UBE2E3: variants seen among roughly 807,000 people sequenced by gnomAD.
UBE2E3 encodes ubiquitin-conjugating enzyme E2 E3.
A neutral mutation model predicts 23.6 loss-of-function variants in UBE2E3; 5 were observed. The ratio of observed to expected loss-of-function variants is 0.21; its 90% CI spans 0.11 to 0.44. The LOEUF is 0.44. Among genes scored for constraint, UBE2E3 ranks in the 20% least tolerant of loss-of-function variants. UBE2E3 has a pLI of 0.99. For missense variants in UBE2E3, 81 were observed against 249.8 expected, an observed-to-expected ratio of 0.32 and a Z score of 4.55; for synonymous variants, 78 against 87.5, an observed-to-expected ratio of 0.89 and a Z score of 0.60.
chr2:181,025,476 CTCTTTATTGTG>C (rs1026789535), intron 3 of UBE2E3, among the ~76,000 whole-genome samples: 15 of 122,646 alleles, frequency 1.2e-4, no homozygotes, highest in African/African-American at 4.8e-4. Flanking sequence ...CTTCCTTTTC[CTCTTTATTGTG>C]TATACAGGTA....
intron 3 of UBE2E3, among the ~76,000 whole-genome samples, chr2:181,007,640 C>CT (rs2105602324): frequency 6.6e-6 from 1 of 152,096 alleles, no homozygotes; most frequent in East Asian, 1.9e-4. Context: ...AGTTACCATC[C>CT]TGGAAGGGGC....
At chr2:180,988,019 A>G (rs1185641936) in intron 3 of UBE2E3, among the ~76,000 whole-genome samples, 1 of 152,178 alleles carries the variant, frequency 6.6e-6, no homozygotes, top group East Asian at 1.9e-4. Flanking sequence ...CTAACTTGCT[A>G]TGTTATTACC....
chr2:181,014,291 G>T (rs1279995374), intron 3 of UBE2E3, among the ~76,000 whole-genome samples: 1 of 152,136 alleles, frequency 6.6e-6, no homozygotes, highest in African/African-American at 2.4e-5. Flanking sequence ...GGGATATTCA[G>T]TGGAAATGGA....
At chr2:181,043,839 A>G (rs1233444804) in intron 3 of UBE2E3, among the ~76,000 whole-genome samples, 2 of 152,162 alleles carry the variant, frequency 1.3e-5, no homozygotes, top group Non-Finnish European at 2.9e-5. Flanking sequence ...CCATGTCATT[A>G]AACAGTCTTC....
At chr2:181,012,829 T>C (rs560799022) in intron 3 of UBE2E3, among the ~76,000 whole-genome samples, 1 of 152,236 alleles carries the variant, frequency 6.6e-6, no homozygotes, top group South Asian at 2.1e-4. Flanking sequence ...TAGGCATGAA[T>C]TTAGAGATAC....
chr2:181,058,813 G>A (rs933888698), intron 4 of UBE2E3, among the ~76,000 whole-genome samples: 1 of 151,710 alleles, frequency 6.6e-6, no homozygotes, highest in Non-Finnish European at 1.5e-5. Context: ...AAGGTAACGA[G>A]TGCCATCTAG....
chr2:180,990,094 C>T (rs1286580957), intron 3 of UBE2E3: 2 of 1,055,422 alleles, frequency 1.9e-6, no homozygotes, highest in Non-Finnish European at 2.6e-6. Flanking sequence ...GAAGCTGAAA[C>T]ATCTTCAAAC....
intron 3 of UBE2E3, among the ~76,000 whole-genome samples, chr2:180,984,417 T>G (rs768183946): frequency 1.3e-5 from 2 of 152,232 alleles, no homozygotes; most frequent in African/African-American, 2.4e-5. Context: ...AAAATTTTGC[T>G]AAGCTTTAAA....
At chr2:180,991,432 A>T (rs1395455564) in intron 3 of UBE2E3, among the ~76,000 whole-genome samples, 1 of 152,218 alleles carries the variant, frequency 6.6e-6, no homozygotes, top group Non-Finnish European at 1.5e-5. Flanking sequence ...CTTTGGAGCC[A>T]TTGTTAAGTA....
chr2:181,006,384 AT>A (rs5836758), intron 3 of UBE2E3, among the ~76,000 whole-genome samples: 116,848 of 150,856 alleles, frequency 0.77, 45,498 homozygotes, highest in East Asian at 0.88. Flanking sequence ...GTGATTTCAG[AT>A]TTTTGTTGCC....
chr2:180,994,314 C>A (rs893032931), intron 3 of UBE2E3, among the ~76,000 whole-genome samples: 1 of 152,028 alleles, frequency 6.6e-6, no homozygotes, highest in Non-Finnish European at 1.5e-5. Context: ...GTATGATGAA[C>A]CCCCATATAT....
intron 3 of UBE2E3, among the ~76,000 whole-genome samples, chr2:181,014,208 A>G (rs1488854469): frequency 6.6e-6 from 1 of 152,092 alleles, no homozygotes; most frequent in African/African-American, 2.4e-5. Flanking sequence ...TTTTGTTTTC[A>G]ATGGTTGTGG....
chr2:181,051,305 T>C (rs1272989795), intron 3 of UBE2E3, among the ~76,000 whole-genome samples: 1 of 151,820 alleles, frequency 6.6e-6, no homozygotes, highest in African/African-American at 2.4e-5. Context: ...ATTATCTATT[T>C]CCTTATTGGT....
chr2:180,984,384 A>G lies in UBE2E3; in HGVS notation c.245+291A>G, dbSNP rs557262540. Among the ~76,000 whole-genome samples, 7 of 152,322 alleles carry G rather than the reference A, an allele frequency of 4.6e-5. No individual in the cohort carries two copies. The East Asian group carries it at 1.3e-3, about 29-fold the overall frequency. ...GTATTTCTGTAGAGGGTGTTTTTTC[A>G]GAAGTATACTGAAGAAACTTCTAAA... On this transcript the variant is annotated intron_variant, in intron 3 of 5. Transcript: ENST00000410062.
chr2:180,987,750 C>T (rs1469493187), intron 3 of UBE2E3, among the ~76,000 whole-genome samples: 1 of 152,036 alleles, frequency 6.6e-6, no homozygotes, highest in African/African-American at 2.4e-5. Flanking sequence ...AGGATAAATT[C>T]TGCTTTCTTC....
At chr2:181,032,870 G>A (rs946608959) in intron 3 of UBE2E3, among the ~76,000 whole-genome samples, 9 of 152,120 alleles carry the variant, frequency 5.9e-5, no homozygotes, top group Non-Finnish European at 1.3e-4. Context: ...AAAATCACAA[G>A]CATTCTTAAA....
At chr2:181,036,718 A>G (rs531897336) in intron 3 of UBE2E3, among the ~76,000 whole-genome samples, 1 of 152,278 alleles carries the variant, frequency 6.6e-6, no homozygotes, top group East Asian at 1.9e-4. Flanking sequence ...AAGTGGGTAA[A>G]CAATACTCTA....
intron 3 of UBE2E3, among the ~76,000 whole-genome samples, chr2:181,027,610 C>G (rs917584025): frequency 2.6e-5 from 4 of 151,678 alleles, no homozygotes; most frequent in African/African-American, 9.7e-5. Context: ...ATTTGAAGGT[C>G]CTTAATAAAA....
chr2:181,040,048 A>G (rs937688931), intron 3 of UBE2E3, among the ~76,000 whole-genome samples: 1 of 152,204 alleles, frequency 6.6e-6, no homozygotes, highest in African/African-American at 2.4e-5. Flanking sequence ...TGTATTTATA[A>G]TTTACCACAT....
Sources: gnomAD v4.1 joint callset for allele counts (sites outside exome capture counted in the v4.1 genomes callset) on GRCh38, gnomAD v4.1.1 for gene constraint, MANE v1.5 for transcripts, NCBI Gene and HGNC (gene_info 2026-07-23, HGNC 2026-07-21) for gene names.